The following CDH4 variants were observed in gnomAD, a reference collection of about 807,000 sequenced individuals.
The protein encoded by CDH4 is cadherin-4.
A neutral mutation model predicts 86.0 loss-of-function variants in CDH4; 33 were observed. That is an observed-to-expected ratio of 0.38 (90% CI 0.29 to 0.51). The LOEUF is 0.51. CDH4 is among the 20% of genes least tolerant of loss of function. CDH4 has a pLI of 0.86. For missense variants in CDH4, 1,114 were observed against 1,307.4 expected, an observed-to-expected ratio of 0.85 and a Z score of 2.28; for synonymous variants, 555 against 549.4, an observed-to-expected ratio of 1.01 and a Z score of -0.14.
At chr20:61,355,588 G>A (rs1196887656) in intron 2 of CDH4, among the ~76,000 whole-genome samples, 2 of 152,182 alleles carry the variant, frequency 1.3e-5, no homozygotes, top group Non-Finnish European at 2.9e-5. Context: ...AGCTCAGCCT[G>A]GTTTTCTGGT....
At chr20:61,918,138 G>C (rs1005458424) in intron 9 of CDH4, among the ~76,000 whole-genome samples, 4 of 152,234 alleles carry the variant, frequency 2.6e-5, no homozygotes, top group African/African-American at 9.6e-5. Context: ...ACACGATGTG[G>C]GTGCAGGCAG....
intron 2 of CDH4, among the ~76,000 whole-genome samples, chr20:61,731,645 C>T (rs1179137733): frequency 2.0e-5 from 3 of 152,208 alleles, no homozygotes; most frequent in Non-Finnish European, 2.9e-5. Context: ...CGCCTCCTGC[C>T]AAGCCCAGAA....
chr20:61,838,342 G>C (rs1011910759), intron 4 of CDH4, among the ~76,000 whole-genome samples: 15 of 152,102 alleles, frequency 9.9e-5, no homozygotes, highest in Non-Finnish European at 2.1e-4. Context: ...GCCCTCGGCT[G>C]TGCAATGCAG....
chr20:61,281,859 AAC>A (rs1401052615), intron 2 of CDH4, among the ~76,000 whole-genome samples: 5 of 152,362 alleles, frequency 3.3e-5, no homozygotes, highest in African/African-American at 1.2e-4. Flanking sequence ...CACGAAAGAA[AAC>A]ACACTGGCTC....
chr20:61,750,236 C>A (rs1312730267), intron 3 of CDH4, among the ~76,000 whole-genome samples: 5 of 152,050 alleles, frequency 3.3e-5, no homozygotes, highest in Non-Finnish European at 5.9e-5. Flanking sequence ...GCTGATCAGA[C>A]TGAGCAAAAA....
In CDH4 at chr20:61,703,567, C is replaced by T. The variant is rs1171042018; in HGVS notation, c.170-39996C>T. ...AGGTGTGGGGATCAAAGCTCCTCGT[C>T]CCCAGCTTGTGTCCCTTCCCCGTCG... On this transcript the variant is annotated intron_variant, in intron 2 of 15. Coordinates refer to ENST00000614565, the MANE Select transcript of CDH4 (RefSeq NM_001794.5). The surrounding 1 kb of genome is among the most constrained non-coding windows in gnomAD (Gnocchi z 4.3). 6.6e-6 allele frequency among the ~76,000 whole-genome samples: 1 copy of T among 152,164 alleles called. No individual in the cohort carries two copies. Among genetic ancestry groups the T allele is most frequent in the African/African-American group, 2.4e-5 (1 of 41,432 alleles).
intron 2 of CDH4, among the ~76,000 whole-genome samples, chr20:61,732,978 G>C (rs1047944441): frequency 2.0e-5 from 3 of 152,166 alleles, no homozygotes; most frequent in African/African-American, 7.2e-5. Flanking sequence ...GACCAGCTGG[G>C]GGCCTAATTC....
At chr20:61,920,003 T>G (rs2054952726) in intron 9 of CDH4, among the ~76,000 whole-genome samples, 2 of 5,772 alleles carry the variant, frequency 3.5e-4, no homozygotes, top group Non-Finnish European at 4.1e-4. Flanking sequence ...GGAAGTGTGG[T>G]GTCACAGTGA....
intron 2 of CDH4, among the ~76,000 whole-genome samples, chr20:61,691,003 G>T (rs1019473449): frequency 6.6e-6 from 1 of 152,170 alleles, no homozygotes. Context: ...TTCCTGGGTC[G>T]AGATGAACTC....
intron 4 of CDH4, among the ~76,000 whole-genome samples, chr20:61,781,679 G>C (rs547860378): frequency 4.6e-5 from 7 of 152,192 alleles, no homozygotes; most frequent in Non-Finnish European, 1.0e-4. Context: ...AAGGAGAGGA[G>C]AGATGATCAG....
intron 2 of CDH4, among the ~76,000 whole-genome samples, chr20:61,664,014 C>T (rs2087293891): frequency 6.6e-6 from 1 of 152,142 alleles, no homozygotes; most frequent in African/African-American, 2.4e-5. Context: ...GAAGACCAGG[C>T]CTGGTGACAG....
At chr20:61,454,314 A>T (rs1482105218) in intron 2 of CDH4, among the ~76,000 whole-genome samples, 1 of 152,130 alleles carries the variant, frequency 6.6e-6, no homozygotes, top group Non-Finnish European at 1.5e-5. Context: ...CCATGGGGTG[A>T]ACTTTGTTAT....
At chr20:61,394,397 C>T (rs1353981946) in intron 2 of CDH4, among the ~76,000 whole-genome samples, 7 of 152,208 alleles carry the variant, frequency 4.6e-5, no homozygotes, top group Non-Finnish European at 1.0e-4. Flanking sequence ...CTGAGAACTG[C>T]TTCGTTTGTA....
At chr20:61,452,327 A>T (rs747102201) in intron 2 of CDH4, among the ~76,000 whole-genome samples, 5 of 152,112 alleles carry the variant, frequency 3.3e-5, no homozygotes, top group Non-Finnish European at 5.9e-5. Context: ...TCATTTAAGG[A>T]TTTCCTTACA....
chr20:61,549,860 A>G (rs1490034350), intron 2 of CDH4, among the ~76,000 whole-genome samples: 3 of 152,228 alleles, frequency 2.0e-5, no homozygotes, highest in Non-Finnish European at 4.4e-5. Flanking sequence ...GGCTGGGGCA[A>G]CAGGTTTGCT....
intron 7 of CDH4, among the ~76,000 whole-genome samples, chr20:61,878,685 C>T (rs956497285): frequency 3.9e-5 from 6 of 152,248 alleles, no homozygotes; most frequent in Non-Finnish European, 7.3e-5. Flanking sequence ...GTCTCAAAGT[C>T]GTAGGTGACC....
chr20:61,386,483 C>T (rs1218012815), intron 2 of CDH4, among the ~76,000 whole-genome samples: 4 of 149,684 alleles, frequency 2.7e-5, no homozygotes, highest in Admixed American at 6.9e-5. Context: ...CTGGCATGCA[C>T]TGAACCCGTA....
At chr20:61,427,775 C>T (rs1406126503) in intron 2 of CDH4, among the ~76,000 whole-genome samples, 2 of 152,036 alleles carry the variant, frequency 1.3e-5, no homozygotes, top group Non-Finnish European at 2.9e-5. Context: ...CCCACCCTTC[C>T]CTCACTGCAG....
chr20:61,841,867 A>G (rs551548386), intron 4 of CDH4, among the ~76,000 whole-genome samples: 1 of 152,274 alleles, frequency 6.6e-6, no homozygotes, highest in African/African-American at 2.4e-5. Flanking sequence ...TGGCGCCTTT[A>G]TGATGGAAAC....
Sources: allele counts gnomAD v4.1 joint callset (sites outside exome capture counted in the v4.1 genomes callset), GRCh38; gene constraint gnomAD v4.1.1; non-coding constraint Gnocchi (gnomAD v3.1); transcripts MANE v1.5; gene names NCBI Gene and HGNC (gene_info 2026-07-23, HGNC 2026-07-21).